Variants in SPOCK3 observed in about 807,000 individuals in gnomAD.
The protein encoded by SPOCK3 is testican-3.
A neutral mutation model predicts 56.6 loss-of-function variants in SPOCK3; 30 were observed. The ratio of observed to expected loss-of-function variants is 0.53; its 90% CI spans 0.40 to 0.72. The LOEUF is 0.72. SPOCK3 is among the 30% of genes least tolerant of loss of function. The pLI is 0.00. For synonymous variants in SPOCK3, 196 were observed against 183.3 expected, an observed-to-expected ratio of 1.07 and a Z score of -0.56; for missense variants, 527 against 530.0, an observed-to-expected ratio of 0.99 and a Z score of 0.06.
At chr4:167,176,779 T>G (rs1731022822) in intron 2 of SPOCK3, among the ~76,000 whole-genome samples, 1 of 152,032 alleles carries the variant, frequency 6.6e-6, no homozygotes, top group Non-Finnish European at 1.5e-5. Context: ...TCCTCAGCAT[T>G]TGCAAGCATG....
At chr4:166,995,452 G>C (rs933141163) in intron 4 of SPOCK3, among the ~76,000 whole-genome samples, 1 of 151,800 alleles carries the variant, frequency 6.6e-6, no homozygotes, top group African/African-American at 2.4e-5. Flanking sequence ...TTTATGAAAA[G>C]TTAAGTATCT....
At position 166,736,227 on chromosome 4, in the gene SPOCK3, T is replaced by A. The variant is rs185717814; in HGVS notation, c.1133-1137A>T. 4.8e-3 allele frequency among the ~76,000 whole-genome samples: 737 copies of A among 152,236 alleles called. 1 individual carries two copies. The highest frequency in any genetic ancestry group is 8.3e-3 in the Non-Finnish European group (566 of 67,978). The stretch of plus-strand genomic sequence containing the variant: ...TTATAAAATGTAAAGAAAACTCAGA[T>A]GTCCACGTTCCAAAAGCAATGTTCT... On this transcript the variant is annotated intron_variant, in intron 10 of 10. Coordinates refer to ENST00000357545, the MANE Select transcript of SPOCK3 (RefSeq NM_001040159.2).
intron 3 of SPOCK3, among the ~76,000 whole-genome samples, chr4:167,037,627 C>T (rs1752879795): frequency 6.6e-6 from 1 of 152,142 alleles, no homozygotes; most frequent in Non-Finnish European, 1.5e-5. Context: ...CACAGGCACA[C>T]TGTGAAAGTC....
At chr4:166,895,286 G>T (rs953920736) in intron 5 of SPOCK3, among the ~76,000 whole-genome samples, 3 of 151,574 alleles carry the variant, frequency 2.0e-5, no homozygotes, top group African/African-American at 7.3e-5. Flanking sequence ...ACAACTAAGA[G>T]GATTTTTCAA....
chr4:166,742,597 A>C (rs1425637364), intron 8 of SPOCK3, among the ~76,000 whole-genome samples: 1 of 152,106 alleles, frequency 6.6e-6, no homozygotes, highest in African/African-American at 2.4e-5. Context: ...GTTATGTTAA[A>C]GACCTTATTA....
chr4:167,024,983 T>G (rs1751568184), intron 3 of SPOCK3, among the ~76,000 whole-genome samples: 1 of 152,066 alleles, frequency 6.6e-6, no homozygotes. Context: ...AATTATTATT[T>G]TCTTAGATTT....
In SPOCK3 at chr4:166,844,146, G is replaced by A. The variant is rs12640666; in HGVS notation, c.589+44984C>T. 2.7e-3 allele frequency among the ~76,000 whole-genome samples: 407 copies of A among 152,306 alleles called. 10 individuals are homozygous for A. The East Asian group carries it at 0.061, about 23-fold the overall frequency. On this transcript the variant is annotated intron_variant, in intron 6 of 10. Transcript: ENST00000357545. ...AAGTTACTTAGAAAAGCCCACTGAT[G>A]TCTTGTGTTTCTTTGGGTCAAAAAC...
intron 4 of SPOCK3, among the ~76,000 whole-genome samples, chr4:166,925,489 A>G (rs1738990798): frequency 6.6e-6 from 1 of 152,172 alleles, no homozygotes. Context: ...ATTGTGTGAT[A>G]CCATTGAAAT....
chr4:167,176,451 A>G (rs28473071), intron 2 of SPOCK3, among the ~76,000 whole-genome samples: 2,449 of 152,196 alleles, frequency 0.016, 62 homozygotes, highest in African/African-American at 0.056. Flanking sequence ...TTCTATTAGC[A>G]TGCCCATTTT....
At chr4:167,057,627 G>T (rs1189969655) in intron 3 of SPOCK3, among the ~76,000 whole-genome samples, 1 of 151,736 alleles carries the variant, frequency 6.6e-6, no homozygotes, top group Non-Finnish European at 1.5e-5. Context: ...AAAAGGCAGG[G>T]GTTGCAATCC....
At chr4:167,180,799 C>A (rs1042965298) in intron 2 of SPOCK3, among the ~76,000 whole-genome samples, 1 of 152,002 alleles carries the variant, frequency 6.6e-6, no homozygotes, top group African/African-American at 2.4e-5. Flanking sequence ...AGAATAAGAA[C>A]GTCCATGTAA....
intron 8 of SPOCK3, among the ~76,000 whole-genome samples, chr4:166,750,985 T>C (rs1010973218): frequency 6.6e-6 from 1 of 152,012 alleles, no homozygotes; most frequent in African/African-American, 2.4e-5. Context: ...TCCAACAGGG[T>C]ACCATCTACC....
At chr4:166,966,597 A>G (rs1744764996) in intron 4 of SPOCK3, among the ~76,000 whole-genome samples, 2 of 152,184 alleles carry the variant, frequency 1.3e-5, no homozygotes, top group Admixed American at 1.3e-4. Flanking sequence ...GTTATTTTAT[A>G]CCGCAGTTTC....
chr4:166,884,165 A>G (rs534714992), intron 6 of SPOCK3, among the ~76,000 whole-genome samples: 1 of 152,208 alleles, frequency 6.6e-6, no homozygotes, highest in Non-Finnish European at 1.5e-5. Context: ...CAACCTGGCT[A>G]ACACAGTGAA....
At chr4:166,973,328 A>T (rs906521717) in intron 4 of SPOCK3, among the ~76,000 whole-genome samples, 1 of 152,128 alleles carries the variant, frequency 6.6e-6, no homozygotes, top group Non-Finnish European at 1.5e-5. Flanking sequence ...ACTCAGTCTC[A>T]GGTAGTATCT....
intron 4 of SPOCK3, among the ~76,000 whole-genome samples, chr4:166,959,232 T>G (rs1278934752): frequency 6.6e-6 from 1 of 152,134 alleles, no homozygotes; most frequent in Non-Finnish European, 1.5e-5. Context: ...AAGATGTAAG[T>G]TAGAAAATAC....
chr4:167,116,698 A>T (rs1302866542), intron 2 of SPOCK3, among the ~76,000 whole-genome samples: 7 of 105,670 alleles, frequency 6.6e-5, no homozygotes, highest in Admixed American at 4.9e-4. Flanking sequence ...CACATATAGT[A>T]TATATACGTA....
At chr4:166,797,612 G>A (rs1427457398) in intron 6 of SPOCK3, among the ~76,000 whole-genome samples, 2 of 151,760 alleles carry the variant, frequency 1.3e-5, no homozygotes, top group African/African-American at 4.8e-5. Flanking sequence ...TACTTTACAT[G>A]AGTGATGGAA....
At chr4:166,914,490 G>T (rs1031808992) in intron 4 of SPOCK3, among the ~76,000 whole-genome samples, 2 of 152,198 alleles carry the variant, frequency 1.3e-5, no homozygotes, top group East Asian at 1.9e-4. Context: ...TGAAGATTTG[G>T]CTGGGCACGT....
Sources: gnomAD v4.1 joint callset for allele counts (sites outside exome capture counted in the v4.1 genomes callset) on GRCh38, gnomAD v4.1.1 for gene constraint, MANE v1.5 for transcripts, NCBI Gene and HGNC (gene_info 2026-07-23, HGNC 2026-07-21) for gene names.